The following FAM83B variants were observed in gnomAD, a reference collection of about 807,000 sequenced individuals.
FAM83B encodes the protein scaffolding CK1 anchoring protein B, also known as protein FAM83B.
FAM83B carries 26 observed loss-of-function variants against 38.8 expected under a neutral mutation model. The observed-to-expected ratio is 0.67, with a 90% CI of 0.49 to 0.93. FAM83B has a LOEUF of 0.93. Ranked by LOEUF, FAM83B falls within the 40% of genes least tolerant of loss-of-function variation. FAM83B has a pLI of 0.00. For synonymous variants in FAM83B, 419 were observed against 423.1 expected (o/e 0.99, Z 0.12); for missense variants, 1,237 against 1,197.3 (o/e 1.03, Z -0.49).
rs1007007302 is a variant in FAM83B at position 54,942,297 on chromosome 6, T to G, written c.*290T>G. Among the ~76,000 whole-genome samples, 1 of 152,224 alleles carries G rather than the reference T, an allele frequency of 6.6e-6. No individual in the cohort carries two copies. Among genetic ancestry groups the G allele is most frequent in the African/African-American group, 2.4e-5 (1 of 41,466 alleles). ...TTTAAGTCTCACTTAGAAATTTTTG[T>G]GGACGATGTATGGTGTATGGTGTAT... On this transcript the variant is annotated 3_prime_UTR_variant, in exon 5 of 5. Transcript: ENST00000306858.
chr6:54,894,986 G>A (rs1772497909), intron 2 of FAM83B, among the ~76,000 whole-genome samples: 1 of 152,134 alleles, frequency 6.6e-6, no homozygotes, highest in Admixed American at 6.5e-5. Flanking sequence ...TGTGGGTAAG[G>A]TATTATGTTC....
intron 1 of FAM83B, among the ~76,000 whole-genome samples, chr6:54,847,664 GA>G (rs1561900727): frequency 6.6e-6 from 1 of 152,128 alleles, no homozygotes; most frequent in Non-Finnish European, 1.5e-5. Context: ...GACAGGCAGA[GA>G]ATGCCTGTGT....
intron 2 of FAM83B, among the ~76,000 whole-genome samples, chr6:54,885,925 A>G (rs544636995): frequency 6.6e-6 from 1 of 151,824 alleles, no homozygotes; most frequent in East Asian, 1.9e-4. Context: ...TATGTAACAA[A>G]CCCGCACGTT....
At chr6:54,908,862 C>G (rs1455403922) in intron 2 of FAM83B, among the ~76,000 whole-genome samples, 6 of 152,046 alleles carry the variant, frequency 3.9e-5, no homozygotes, top group Admixed American at 3.9e-4. Flanking sequence ...ACCCATTTGT[C>G]CTTGATTTTG....
At chr6:54,882,817 A>G (rs1772163075) in intron 2 of FAM83B, among the ~76,000 whole-genome samples, 1 of 152,038 alleles carries the variant, frequency 6.6e-6, no homozygotes, top group Non-Finnish European at 1.5e-5. Flanking sequence ...TTCTTTCCCA[A>G]CTTTTTGCCT....
chr6:54,880,442 T>TTTTTA (rs1772106265), intron 2 of FAM83B, among the ~76,000 whole-genome samples: 1 of 35,530 alleles, frequency 2.8e-5, no homozygotes, highest in Non-Finnish European at 9.0e-5. Flanking sequence ...AGAAGGTTTC[T>TTTTTA]TTTTTTTTTT....
chr6:54,923,002 T>C (rs1027453843), intron 2 of FAM83B, among the ~76,000 whole-genome samples: 1 of 152,088 alleles, frequency 6.6e-6, no homozygotes, highest in African/African-American at 2.4e-5. Flanking sequence ...AAAAATACTC[T>C]TGTGTTTTTA....
Position 54,941,985 on chromosome 6 carries a change from A to G in FAM83B, c.3014A>G (p.Asn1005Ser), listed in dbSNP as rs1561934489. ...CGAGGATTTATGCAAAAGTTTGGAA[A>G]CTTTATACACAAAAATAAATAGCTA... ...KFRGFMQKFG[N>S]FIHKNK The change falls in exon 5 of 5, where the codon AAC becomes AGC. Residue 1005 changes from asparagine (N) to serine (S), a missense_variant. Transcript: ENST00000306858. 1 of 1,596,548 alleles carries G rather than the reference A, an allele frequency of 6.3e-7. No homozygotes were observed. The highest frequency in any genetic ancestry group is 8.5e-7 in the Non-Finnish European group (1 of 1,172,800).
intron 1 of FAM83B, among the ~76,000 whole-genome samples, chr6:54,866,769 G>A (rs1771716128): frequency 6.6e-6 from 1 of 152,036 alleles, no homozygotes; most frequent in African/African-American, 2.4e-5. Context: ...AACTTTTCTT[G>A]GATAAATCAC....
chr6:54,919,578 T>C (rs1467447072), intron 2 of FAM83B, among the ~76,000 whole-genome samples: 2 of 152,058 alleles, frequency 1.3e-5, no homozygotes, highest in African/African-American at 4.8e-5. Flanking sequence ...ATCCAATTGC[T>C]AAAAACTAGT....
chr6:54,918,213 CTA>C lies in FAM83B; in HGVS notation c.445-8156_445-8155del, dbSNP rs1403137470. 2.6e-4 allele frequency among the ~76,000 whole-genome samples: 40 copies of C among 152,170 alleles called. 1 individual carries two copies. Among genetic ancestry groups the C allele is most frequent in the African/African-American group, 9.4e-4 (39 of 41,514 alleles). On this transcript the variant is annotated intron_variant, in intron 2 of 4. Transcript: ENST00000306858. ...ATGCTTCATAGTTTCTTAGTAAAGT[CTA>C]TTATTAATTTCAAATCTATTTCTCC...
intron 2 of FAM83B, among the ~76,000 whole-genome samples, chr6:54,892,055 A>G (rs1458249125): frequency 6.6e-6 from 1 of 152,100 alleles, no homozygotes; most frequent in Admixed American, 6.6e-5. Context: ...AATTACTTGC[A>G]ACAGTCCCCT....
At chr6:54,860,207 A>G (rs1378741816) in intron 1 of FAM83B, among the ~76,000 whole-genome samples, 1 of 152,126 alleles carries the variant, frequency 6.6e-6, no homozygotes, top group East Asian at 1.9e-4. Flanking sequence ...AGCTTTTAAC[A>G]ATCTTGTTTT....
intron 2 of FAM83B, among the ~76,000 whole-genome samples, chr6:54,874,348 CT>C (rs1245059488): frequency 2.0e-5 from 3 of 152,026 alleles, no homozygotes; most frequent in Non-Finnish European, 4.4e-5. Context: ...TAGATAATAT[CT>C]TACTTGTGCC....
At chr6:54,880,916 T>C (rs1772119271) in intron 2 of FAM83B, among the ~76,000 whole-genome samples, 3 of 152,134 alleles carry the variant, frequency 2.0e-5, no homozygotes, top group African/African-American at 7.2e-5. Flanking sequence ...TATACACAAG[T>C]GAATGTGTAT....
Position 54,870,485 on chromosome 6 carries a change from A to T in FAM83B, c.239A>T (p.Asp80Val), listed in dbSNP as rs779355597. 1.2e-5 allele frequency: 20 copies of T among 1,613,940 alleles called. No homozygotes were observed. In the African/African-American group the frequency reaches 2.0e-4, roughly 16 times the overall value. The change falls in exon 2 of 5, where the codon GAT (aspartate) becomes GTT (valine). Residue 80 changes from aspartate to valine, a missense_variant. Coordinates refer to ENST00000306858, the MANE Select transcript of FAM83B (RefSeq NM_001010872.3). Reference sequence around the variant, plus strand: ...GCACAAAGCACAGCACATGGTACTGATGATTCCTGTGATGATACCTTATCT... The same window carrying T: ...GCACAAAGCACAGCACATGGTACTGTTGATTCCTGTGATGATACCTTATCT... The part of the protein sequence containing the change: ...KVAQSTAHGT[D>V]DSCDDTLSSG...
rs1201381545 is a variant in FAM83B at position 54,942,116 on chromosome 6, A to T, written c.*109A>T. On this transcript the variant is annotated 3_prime_UTR_variant, in exon 5 of 5. Coordinates refer to ENST00000306858, the MANE Select transcript of FAM83B (RefSeq NM_001010872.3). ...TCCTAAGGACAGAATTATGGGTATG[A>T]TGTATATGTTCACCAGTGTCCTAGT... 2 of 1,100,096 alleles carry T rather than the reference A, an allele frequency of 1.8e-6. No individual in the cohort carries two copies. Among genetic ancestry groups the T allele is most frequent in the Admixed American group, 2.8e-5 (1 of 35,838 alleles). 68.1% of individuals were successfully genotyped at this position (1,100,096 alleles called of 1,614,324 possible).
chr6:54,939,696 T>G lies in FAM83B; in HGVS notation c.735-10T>G. ...TTAAATGATTAAAATTTTTCCATTT[T>G]TTTCCCCAGTTATATGTGGTCATTT... On this transcript the variant is annotated splice_polypyrimidine_tract_variant and intron_variant, in intron 4 of 4. Coordinates refer to ENST00000306858, the MANE Select transcript of FAM83B (RefSeq NM_001010872.3). 6.5e-7 allele frequency: 1 copy of G among 1,549,408 alleles called. No individual in the cohort carries two copies. Among genetic ancestry groups the G allele is most frequent in the Non-Finnish European group, 8.7e-7 (1 of 1,152,628 alleles).
chr6:54,900,291 T>C (rs1201666058), intron 2 of FAM83B, among the ~76,000 whole-genome samples: 1 of 152,166 alleles, frequency 6.6e-6, no homozygotes, highest in Admixed American at 6.5e-5. Flanking sequence ...AGGGAGGCCC[T>C]ATCCTACCCC....
Sources: gnomAD v4.1 joint callset for allele counts (sites outside exome capture counted in the v4.1 genomes callset) on GRCh38, gnomAD v4.1.1 for gene constraint, MANE v1.5 for transcripts, NCBI Gene and HGNC (gene_info 2026-07-23, HGNC 2026-07-21) for gene names.